Variants in UBN1 observed in about 807,000 individuals in gnomAD.
UBN1 encodes ubinuclein-1.
Under a neutral mutation model 108.5 loss-of-function variants are expected in UBN1, and 17 were observed. That is an observed-to-expected ratio of 0.16 (90% CI 0.11 to 0.24). The LOEUF (loss-of-function observed/expected upper bound fraction) is 0.24. UBN1 is among the 10% of genes least tolerant of loss of function. The pLI is 1.00. For missense variants in UBN1, 1,595 were observed against 1,394.4 expected, an observed-to-expected ratio of 1.14 and a Z score of -2.29; for synonymous variants, 726 against 564.2, an observed-to-expected ratio of 1.29 and a Z score of -4.07.
intron 14 of UBN1, among the ~76,000 whole-genome samples, chr16:4,873,668 C>G (rs2087744762): frequency 2.0e-5 from 3 of 152,134 alleles, no homozygotes; most frequent in Admixed American, 2.0e-4. Flanking sequence ...TGTTGAGCTC[C>G]CACAATGTCC....
chr16:4,853,472 G>A (rs1410196333), intron 2 of UBN1, among the ~76,000 whole-genome samples: 1 of 151,956 alleles, frequency 6.6e-6, no homozygotes, highest in East Asian at 1.9e-4. Context: ...ATTTCATGCT[G>A]GACATTTTCC....
At chr16:4,867,929 G>A (rs73517071) in intron 7 of UBN1, among the ~76,000 whole-genome samples, 2,413 of 152,262 alleles carry the variant, frequency 0.016, 64 homozygotes, top group African/African-American at 0.055. Flanking sequence ...GCAGCTCTTG[G>A]GTTGAGAGGA....
At position 4,859,157 on chromosome 16, in the gene UBN1, A is replaced by G. The variant is rs2086938506; in HGVS notation, c.565A>G (p.Lys189Glu). The G allele has an allele frequency of 6.2e-7, 1 of 1,612,882 alleles. No individual in the cohort carries two copies. Among genetic ancestry groups the G allele is most frequent in the African/African-American group, 1.3e-5 (1 of 74,780 alleles). Residue 189 changes from lysine (K) to glutamate (E), a missense_variant and splice_region_variant, in exon 5 of 18, where the codon AAG becomes GAG. Lys to Glu is a moderately conservative substitution (Grantham distance 56, BLOSUM62 1). Coordinates refer to ENST00000262376, the MANE Select transcript of UBN1 (RefSeq NM_001079514.3). ...FIKEKKKKSP[K>E]KRKLKEGGEK... ...TAAAGAAAAGAAGAAAAAATCTCCA[A>G]AGGTTAGAATGTGCTTGCTTTTGGA...
At chr16:4,866,746 G>A (rs1449249141) in intron 7 of UBN1, among the ~76,000 whole-genome samples, 4 of 152,150 alleles carry the variant, frequency 2.6e-5, no homozygotes, top group African/African-American at 4.8e-5. Context: ...TCCTGAGCTC[G>A]CGTGTTCCGC....
chr16:4,880,177 G>C lies in UBN1; in HGVS notation c.*45G>C, dbSNP rs2088036758. 6.3e-7 allele frequency: 1 copy of C among 1,598,320 alleles called. No homozygotes were observed. The highest frequency in any genetic ancestry group is 1.7e-5 in the Admixed American group (1 of 59,986). ...TGCCACTTGGGTCTGGGTGGAATCAGAACGTGCAGGTCTCCCAGGATGTAC... is the reference window on the plus strand; with the variant it reads ...TGCCACTTGGGTCTGGGTGGAATCACAACGTGCAGGTCTCCCAGGATGTAC... On this transcript the variant is annotated 3_prime_UTR_variant, in exon 18 of 18. Transcript: ENST00000262376.
At chr16:4,855,260 G>A (rs894514351) in intron 2 of UBN1, among the ~76,000 whole-genome samples, 1 of 152,148 alleles carries the variant, frequency 6.6e-6, no homozygotes, top group Non-Finnish European at 1.5e-5. Context: ...ATTCACAGGT[G>A]TGCTGTTCGG....
In UBN1 at chr16:4,872,857, A is replaced by G. The variant is rs147676999; in HGVS notation, c.1707-27A>G. The G allele has an allele frequency of 8.1e-4, 1,307 of 1,614,110 alleles. 13 individuals are homozygous for G. The African/African-American group carries it at 0.015, about 19-fold the overall frequency. On this transcript the variant is annotated intron_variant, in intron 12 of 17. Coordinates refer to ENST00000262376, the MANE Select transcript of UBN1 (RefSeq NM_001079514.3). The stretch of plus-strand genomic sequence containing the variant: ...AGTCCCAGCTTTCTGGGGCATGTAC[A>G]GATGCCTGGTGTTCTGTGTCTTTCA...
At chr16:4,849,090 G>T (rs1422440729) in intron 1 of UBN1, among the ~76,000 whole-genome samples, 1 of 152,030 alleles carries the variant, frequency 6.6e-6, no homozygotes, top group African/African-American at 2.4e-5. Context: ...CAGAGCGAGC[G>T]AGACTCGTCC....
intron 12 of UBN1, among the ~76,000 whole-genome samples, chr16:4,871,748 G>T (rs928481236): frequency 1.3e-5 from 2 of 151,764 alleles, no homozygotes; most frequent in Non-Finnish European, 2.9e-5. Context: ...CACCATGCCC[G>T]GCTAATTTTT....
chr16:4,867,272 T>C (rs1409318467), intron 7 of UBN1, among the ~76,000 whole-genome samples: 3 of 152,110 alleles, frequency 2.0e-5, no homozygotes, highest in African/African-American at 7.2e-5. Flanking sequence ...AACCAGAGGG[T>C]CATCCATCCA....
At chr16:4,854,159 G>C (rs1295688974) in intron 2 of UBN1, among the ~76,000 whole-genome samples, 1 of 151,936 alleles carries the variant, frequency 6.6e-6, no homozygotes, top group East Asian at 1.9e-4. Context: ...TCAGCCTCCC[G>C]AGTAGCTGGG....
chr16:4,877,332 C>T lies in UBN1; in HGVS notation c.3266-53C>T, dbSNP rs2087930727. The T allele has an allele frequency of 6.4e-7, 1 of 1,573,926 alleles. No individual in the cohort carries two copies. On this transcript the variant is annotated intron_variant, in intron 16 of 17. Transcript: ENST00000262376. The surrounding 1 kb of genome is among the most constrained non-coding windows in gnomAD (Gnocchi z 4.3). ...TGGCTGCTGGAGCTGCTTTCCTGTT[C>T]CTGTCTTCAATGTGTGTGTTTTGTT...
intron 1 of UBN1, among the ~76,000 whole-genome samples, chr16:4,849,850 G>A (rs556421144): frequency 6.7e-6 from 1 of 148,648 alleles, no homozygotes; most frequent in Non-Finnish European, 1.5e-5. Flanking sequence ...TCCTGCCTTA[G>A]CCTCCCAAAG....
chr16:4,862,571 C>T (rs1018943955), intron 7 of UBN1, among the ~76,000 whole-genome samples: 1 of 152,158 alleles, frequency 6.6e-6, no homozygotes, highest in Non-Finnish European at 1.5e-5. Flanking sequence ...TCCTCTGGTT[C>T]GTAATCAAAT....
rs1003193762 is a variant in UBN1 at position 4,880,214 on chromosome 16, C to T, written c.*82C>T. 1.8e-5 allele frequency: 26 copies of T among 1,459,140 alleles called. No homozygotes were observed. The highest frequency in any genetic ancestry group is 2.5e-5 in the Non-Finnish European group (26 of 1,040,246). 90.4% of individuals were successfully genotyped at this position (1,459,140 alleles called of 1,614,324 possible). On this transcript the variant is annotated 3_prime_UTR_variant, in exon 18 of 18. Coordinates refer to ENST00000262376, the MANE Select transcript of UBN1 (RefSeq NM_001079514.3). ...CTCCCAGGATGTACACTCACTGCGCCCTTTCTGCTGCTTGGTGTTCTTCTG... is the reference window on the plus strand; with the variant it reads ...CTCCCAGGATGTACACTCACTGCGCTCTTTCTGCTGCTTGGTGTTCTTCTG...
At chr16:4,879,791 T>C (rs926495438) in intron 17 of UBN1, among the ~76,000 whole-genome samples, 3 of 152,206 alleles carry the variant, frequency 2.0e-5, no homozygotes, top group Non-Finnish European at 2.9e-5. Context: ...AGGATGGCAA[T>C]TGTAGCCTGA....
At chr16:4,851,831 A>AG (rs2086571746) in intron 1 of UBN1, among the ~76,000 whole-genome samples, 1 of 152,174 alleles carries the variant, frequency 6.6e-6, no homozygotes, top group African/African-American at 2.4e-5. Context: ...CAAAAAAAAA[A>AG]GAAAAAAGTT....
Position 4,871,067 on chromosome 16 carries a change from T to C in UBN1, c.1560-88T>C. ...CTGACAAAGGTTAGGCTCATTTACT[T>C]TCATCAGGGCTGCTGAAAGCACATG... is the stretch of plus-strand genomic sequence containing the variant. On this transcript the variant is annotated intron_variant, in intron 11 of 17. Transcript: ENST00000262376. 7 of 1,602,254 alleles carry C rather than the reference T, an allele frequency of 4.4e-6. No individual in the cohort carries two copies. The South Asian group carries it at 5.6e-5, about 13-fold the overall frequency.
rs1194152467 is a variant in UBN1 at position 4,874,485 on chromosome 16, A to T, written c.2075A>T (p.Glu692Val). 1 of 1,614,214 alleles carries T rather than the reference A, an allele frequency of 6.2e-7. No individual in the cohort carries two copies. The highest frequency in any genetic ancestry group is 1.1e-5 in the South Asian group (1 of 91,090). Reference protein sequence around the residue: ...ALNSRAAGNSEFTLPAPSKAP... With the variant: ...ALNSRAAGNSVFTLPAPSKAP... ...AATAGCAGAGCAGCTGGGAACTCTG[A>T]ATTCACACTGCCTGCACCCTCAAAA... The change falls in exon 15 of 18, where the codon GAA becomes GTA. Residue 692 changes from glutamate (E) to valine (V), a missense_variant. Glu to Val is a moderately radical substitution (Grantham distance 121). Coordinates refer to ENST00000262376, the MANE Select transcript of UBN1 (RefSeq NM_001079514.3).
Sources: allele counts gnomAD v4.1 joint callset (sites outside exome capture counted in the v4.1 genomes callset), GRCh38; gene constraint gnomAD v4.1.1; non-coding constraint Gnocchi (gnomAD v3.1); transcripts MANE v1.5; gene names NCBI Gene and HGNC (gene_info 2026-07-23, HGNC 2026-07-21).